Variants in PSD3 observed in about 807,000 individuals in gnomAD.
PSD3 encodes pleckstrin and Sec7 domain containing 3.
In PSD3, 49 loss-of-function variants were observed where a neutral mutation model predicts 105.5. The observed-to-expected ratio is 0.46, with a 90% confidence interval of 0.37 to 0.59. The LOEUF (loss-of-function observed/expected upper bound fraction) is 0.59, where lower values mean the gene tolerates loss of function less well. Ranked by LOEUF, PSD3 falls within the 20% of genes least tolerant of loss-of-function variation. The probability of loss-of-function intolerance (pLI) is 0.00; values close to 1 mark genes in which losing one functional copy is unlikely to be tolerated. For missense variants in PSD3, 1,561 were observed against 1,263.8 expected, an observed-to-expected ratio of 1.24 and a Z score of -3.57; for synonymous variants, 557 against 457.8, an observed-to-expected ratio of 1.22 and a Z score of -2.77.
intron 4 of PSD3, among the ~76,000 whole-genome samples, chr8:18,822,728 C>CTT (rs1235513654): frequency 1.3e-5 from 2 of 152,152 alleles, no homozygotes; most frequent in Non-Finnish European, 2.9e-5. Context: ...TGTTTTATGA[C>CTT]TTTCAGAGAA....
chr8:19,050,249 A>G (rs1227522396), intron 1 of PSD3, among the ~76,000 whole-genome samples: 2 of 152,226 alleles, frequency 1.3e-5, no homozygotes, highest in African/African-American at 4.8e-5. Flanking sequence ...CTTTCTGAGC[A>G]GAAAAAGAAC....
chr8:18,832,829 G>A (rs1240396158), intron 4 of PSD3, among the ~76,000 whole-genome samples: 7 of 152,120 alleles, frequency 4.6e-5, no homozygotes, highest in Non-Finnish European at 1.0e-4. Flanking sequence ...CAGACCTGGT[G>A]AGACCTATTC....
chr8:18,879,740 G>A (rs1817994927), intron 2 of PSD3, among the ~76,000 whole-genome samples: 2 of 152,126 alleles, frequency 1.3e-5, no homozygotes, highest in South Asian at 4.1e-4. Flanking sequence ...ACAGGCATGT[G>A]CCATCTCACC....
At chr8:18,845,151 A>G (rs1052568044) in intron 4 of PSD3, among the ~76,000 whole-genome samples, 3 of 152,234 alleles carry the variant, frequency 2.0e-5, no homozygotes, top group Non-Finnish European at 4.4e-5. Flanking sequence ...TGAAAGTAAA[A>G]AGAATATTTC....
At chr8:19,047,752 C>G (rs771104342) in intron 1 of PSD3, among the ~76,000 whole-genome samples, 11 of 152,062 alleles carry the variant, frequency 7.2e-5, no homozygotes, top group Non-Finnish European at 1.6e-4. Flanking sequence ...CTATCCCTCT[C>G]CTCCCTAAGA....
Position 18,528,052 on chromosome 8 carries a change from G to T in PSD3, c.*7691C>A, listed in dbSNP as rs1383083978. On this transcript the variant is annotated 3_prime_UTR_variant, in exon 16 of 16. Transcript: ENST00000327040. ...TTATAATAGGCTGGAAAAGTTAAAAGCTTCTTTTATATTAAAAGATACAAA... is the reference window on the plus strand; with the variant it reads ...TTATAATAGGCTGGAAAAGTTAAAATCTTCTTTTATATTAAAAGATACAAA... 2 of 152,132 alleles carry T rather than the reference G, an allele frequency of 1.3e-5. No homozygotes were observed. Among genetic ancestry groups the T allele is most frequent in the African/African-American group, 4.8e-5 (2 of 41,418 alleles). 9.4% of individuals were successfully genotyped at this position (152,132 alleles called of 1,614,324 possible).
At chr8:18,571,340 G>C (rs1011760259) in intron 14 of PSD3, among the ~76,000 whole-genome samples, 2 of 148,652 alleles carry the variant, frequency 1.3e-5, no homozygotes, top group Admixed American at 1.4e-4. Flanking sequence ...TGCATCCAGC[G>C]CTCTCTTCTC....
chr8:18,799,168 T>C, intron 8 of PSD3, 127 bp downstream of exon 8: 1 of 799,520 alleles, frequency 1.3e-6, no homozygotes, highest in Non-Finnish European at 2.1e-6. Flanking sequence ...GATTTCTTTT[T>C]ATTCACCTGC....
intron 4 of PSD3, among the ~76,000 whole-genome samples, chr8:18,821,708 CA>C (rs1812728696): frequency 7.1e-6 from 1 of 141,542 alleles, no homozygotes; most frequent in African/African-American, 2.6e-5. Context: ...CACACACACA[CA>C]CACACACACC....
At chr8:18,937,631 G>A (rs1401587901) in intron 1 of PSD3, among the ~76,000 whole-genome samples, 1 of 152,130 alleles carries the variant, frequency 6.6e-6, no homozygotes, top group Non-Finnish European at 1.5e-5. Context: ...TTCATAACGC[G>A]TCAAATGTAT....
intron 12 of PSD3, among the ~76,000 whole-genome samples, chr8:18,580,423 A>G (rs569849050): frequency 1.2e-4 from 18 of 152,168 alleles, no homozygotes; most frequent in Non-Finnish European, 1.9e-4. Context: ...TTTTGTAAAA[A>G]CCAAAAAGTT....
chr8:18,803,575 T>C (rs959698915), intron 6 of PSD3, among the ~76,000 whole-genome samples: 2 of 152,118 alleles, frequency 1.3e-5, no homozygotes, highest in Non-Finnish European at 2.9e-5. Flanking sequence ...CGGTGGTATA[T>C]ATATTCCCCA....
chr8:18,784,024 G>A (rs1053194422), intron 8 of PSD3, among the ~76,000 whole-genome samples: 1 of 152,102 alleles, frequency 6.6e-6, no homozygotes, highest in African/African-American at 2.4e-5. Flanking sequence ...CTACATAAAT[G>A]TCCTTTAATT....
At chr8:19,022,392 T>A (rs1827391149) in intron 1 of PSD3, among the ~76,000 whole-genome samples, 1 of 152,202 alleles carries the variant, frequency 6.6e-6, no homozygotes, top group African/African-American at 2.4e-5. Flanking sequence ...CCCACCCTAC[T>A]GGGTGGACCC....
intron 4 of PSD3, among the ~76,000 whole-genome samples, chr8:18,833,626 G>C (rs930925597): frequency 6.6e-6 from 1 of 152,158 alleles, no homozygotes. Context: ...TATTTGCTGT[G>C]TAAGTTACCA....
At chr8:18,722,726 G>C (rs183621208) in intron 9 of PSD3, among the ~76,000 whole-genome samples, 3 of 152,170 alleles carry the variant, frequency 2.0e-5, no homozygotes, top group South Asian at 4.1e-4. Flanking sequence ...TGACCTCTTC[G>C]GCCTGGGATG....
intron 1 of PSD3, among the ~76,000 whole-genome samples, chr8:19,045,752 G>C (rs1296581522): frequency 6.6e-6 from 1 of 152,188 alleles, no homozygotes; most frequent in African/African-American, 2.4e-5. Context: ...CTAGTGTTGG[G>C]AGGGTGGAGA....
chr8:18,882,891 A>G (rs1563381823), intron 2 of PSD3, among the ~76,000 whole-genome samples: 1 of 151,970 alleles, frequency 6.6e-6, no homozygotes, highest in Non-Finnish European at 1.5e-5. Context: ...AGATATCCAT[A>G]TATCTGTATA....
chr8:18,626,939 C>T (rs1175214946), intron 11 of PSD3, among the ~76,000 whole-genome samples: 3 of 152,048 alleles, frequency 2.0e-5, no homozygotes, highest in Non-Finnish European at 4.4e-5. Flanking sequence ...AATATTAGGT[C>T]TTAAAGCGGG....
Sources: allele counts gnomAD v4.1 joint callset (sites outside exome capture counted in the v4.1 genomes callset), GRCh38; gene constraint gnomAD v4.1.1; transcripts MANE v1.5; gene names NCBI Gene and HGNC (gene_info 2026-07-23, HGNC 2026-07-21).